The following MOB3B variants were observed in gnomAD, a reference collection of about 807,000 sequenced individuals.
MOB3B encodes MOB kinase activator-like 2B.
MOB3B carries 7 observed loss-of-function variants against 18.7 expected under a neutral mutation model. That is an observed-to-expected ratio of 0.37 (90% CI 0.21 to 0.70). The LOEUF (loss-of-function observed/expected upper bound fraction) is 0.70, where lower values mean the gene tolerates loss of function less well. MOB3B is among the 30% of genes least tolerant of loss of function. The pLI is 0.52. For missense variants in MOB3B, 253 were observed against 281.3 expected (o/e 0.90, Z 0.72); for synonymous variants, 111 against 99.9 (o/e 1.11, Z -0.66).
rs559331396 is a variant in MOB3B at position 27,333,464 on chromosome 9, G to C, written c.622-2848C>G. Among the ~76,000 whole-genome samples, 221 of 152,252 alleles carry C rather than the reference G, an allele frequency of 1.5e-3. 2 individuals are homozygous for C. Among genetic ancestry groups the C allele is most frequent in the African/African-American group, 5.3e-3 (219 of 41,556 alleles). The stretch of plus-strand genomic sequence containing the variant: ...GGGCCAAACACATTCCTTCCTCTCT[G>C]AGAGTGTGGCCAAAATAGCTTCTAC... On this transcript the variant is annotated intron_variant, in intron 3 of 3. Transcript: ENST00000262244.
chr9:27,405,902 C>A (rs368781325), intron 2 of MOB3B, among the ~76,000 whole-genome samples: 1 of 152,222 alleles, frequency 6.6e-6, no homozygotes, highest in South Asian at 2.1e-4. Flanking sequence ...ACTCTCAAAA[C>A]CTGAGTATAG....
intron 3 of MOB3B, among the ~76,000 whole-genome samples, chr9:27,350,616 C>A (rs571025669): frequency 1.3e-5 from 2 of 152,258 alleles, no homozygotes; most frequent in African/African-American, 4.8e-5. Flanking sequence ...TTGCCACATC[C>A]CCAGTTACCC....
chr9:27,331,129 G>C (rs115608214), intron 3 of MOB3B, among the ~76,000 whole-genome samples: 178 of 152,296 alleles, frequency 1.2e-3, no homozygotes, highest in African/African-American at 3.8e-3. Flanking sequence ...GCAGGAAGGA[G>C]GACATTTTTA....
At chr9:27,468,463 C>A (rs10511816) in intron 1 of MOB3B, among the ~76,000 whole-genome samples, 45,184 of 152,140 alleles carry the variant, frequency 0.3, 8,273 homozygotes, top group Non-Finnish European at 0.41. Context: ...TTAACTTCAA[C>A]TCCTGGTAAA....
At chr9:27,440,340 T>C (rs961245627) in intron 2 of MOB3B, among the ~76,000 whole-genome samples, 3 of 152,140 alleles carry the variant, frequency 2.0e-5, no homozygotes, top group African/African-American at 7.2e-5. Context: ...GAGTCATAGA[T>C]AATAATTCTG....
intron 1 of MOB3B, among the ~76,000 whole-genome samples, chr9:27,483,893 A>T (rs1040509480): frequency 2.0e-5 from 3 of 152,210 alleles, no homozygotes; most frequent in African/African-American, 7.2e-5. Flanking sequence ...CTCGCCCTTC[A>T]TGAATGAAAT....
intron 3 of MOB3B, among the ~76,000 whole-genome samples, chr9:27,345,376 A>G (rs1015509493): frequency 6.6e-6 from 1 of 152,078 alleles, no homozygotes; most frequent in Non-Finnish European, 1.5e-5. Flanking sequence ...GTTTTTAAAA[A>G]ATCTACAGAT....
chr9:27,454,583 T>G (rs1040750376), intron 2 of MOB3B, among the ~76,000 whole-genome samples: 1 of 152,336 alleles, frequency 6.6e-6, no homozygotes, highest in Non-Finnish European at 1.5e-5. Context: ...AGTGTCCCAG[T>G]GTATCCAGAA....
intron 2 of MOB3B, among the ~76,000 whole-genome samples, chr9:27,443,431 A>G (rs911869582): frequency 6.6e-6 from 1 of 152,182 alleles, no homozygotes; most frequent in African/African-American, 2.4e-5. Flanking sequence ...TAAGTTTCCA[A>G]ACATACATAA....
At chr9:27,336,528 T>A (rs770863534) in intron 3 of MOB3B, among the ~76,000 whole-genome samples, 1 of 152,104 alleles carries the variant, frequency 6.6e-6, no homozygotes, top group Non-Finnish European at 1.5e-5. Context: ...CCCTTGGTGC[T>A]GGAAACTTTG....
chr9:27,351,151 C>T lies in MOB3B; in HGVS notation c.621+7883G>A, dbSNP rs1821099926. On this transcript the variant is annotated intron_variant, in intron 3 of 3. Coordinates refer to ENST00000262244, the MANE Select transcript of MOB3B (RefSeq NM_024761.5). ...CTCCTGACCTCAGGTGATCCACCCGCCTAGGCCTCCCAAAGTGTTGGGATT... is the reference window on the plus strand; with the variant it reads ...CTCCTGACCTCAGGTGATCCACCCGTCTAGGCCTCCCAAAGTGTTGGGATT... 2.0e-5 allele frequency among the ~76,000 whole-genome samples: 3 copies of T among 152,294 alleles called. No homozygotes were observed. The South Asian group carries it at 6.2e-4, about 32-fold the overall frequency.
chr9:27,496,278 C>A (rs1236028935), intron 1 of MOB3B, among the ~76,000 whole-genome samples: 1 of 149,846 alleles, frequency 6.7e-6, no homozygotes, highest in Non-Finnish European at 1.5e-5. Flanking sequence ...GGTTTTATTG[C>A]CAGGAGATAG....
Position 27,431,257 on chromosome 9 carries a change from A to G in MOB3B, c.418+23876T>C, listed in dbSNP as rs189676326. Among the ~76,000 whole-genome samples the G allele has an allele frequency of 2.6e-3, 389 of 152,354 alleles. 2 individuals are homozygous for G. The highest frequency in any genetic ancestry group is 3.7e-3 in the Non-Finnish European group (255 of 68,040). ...AAAGAAACAAAAGTTAAACAAACAT[A>G]TTCCTCACTTAACTAGAGATGTAAC... On this transcript the variant is annotated intron_variant, in intron 2 of 3. Coordinates refer to ENST00000262244, the MANE Select transcript of MOB3B (RefSeq NM_024761.5).
At chr9:27,430,629 A>G (rs1232282274) in intron 2 of MOB3B, among the ~76,000 whole-genome samples, 1 of 152,202 alleles carries the variant, frequency 6.6e-6, no homozygotes, top group Non-Finnish European at 1.5e-5. Flanking sequence ...CATATTTTTT[A>G]TAGTTAACTG....
At chr9:27,347,013 A>G (rs1045912918) in intron 3 of MOB3B, among the ~76,000 whole-genome samples, 2 of 152,180 alleles carry the variant, frequency 1.3e-5, no homozygotes, top group African/African-American at 4.8e-5. Context: ...AATAAAATAA[A>G]CAGAATTATA....
chr9:27,380,528 C>G (rs868440632), intron 2 of MOB3B, among the ~76,000 whole-genome samples: 1 of 152,122 alleles, frequency 6.6e-6, no homozygotes. Context: ...TGAGCCACCA[C>G]GCCCCGCCAA....
chr9:27,339,831 G>A (rs981601705), intron 3 of MOB3B, among the ~76,000 whole-genome samples: 2 of 152,214 alleles, frequency 1.3e-5, no homozygotes, highest in African/African-American at 4.8e-5. Flanking sequence ...CATGGGCCAC[G>A]GGAGTAGGGA....
At chr9:27,525,927 G>T (rs1463772942) in intron 1 of MOB3B, 1 of 151,944 alleles carries the variant, frequency 6.6e-6, no homozygotes, top group African/African-American at 2.4e-5. Flanking sequence ...TTTCTAGCAC[G>T]GCCCTTCATC....
intron 2 of MOB3B, among the ~76,000 whole-genome samples, chr9:27,396,588 C>T (rs1447868987): frequency 6.6e-6 from 1 of 152,090 alleles, no homozygotes; most frequent in East Asian, 1.9e-4. Flanking sequence ...TTATGTTTCC[C>T]ATATTTCTCC....
Sources: gnomAD v4.1 joint callset for allele counts (sites outside exome capture counted in the v4.1 genomes callset) on GRCh38, gnomAD v4.1.1 for gene constraint, MANE v1.5 for transcripts, NCBI Gene and HGNC (gene_info 2026-07-23, HGNC 2026-07-21) for gene names.